The following EYA2 variants were observed in gnomAD, a reference collection of about 807,000 sequenced individuals.
EYA2 encodes EYA transcriptional coactivator and phosphatase 2.
EYA2 carries 31 observed loss-of-function variants against 69.2 expected under a neutral mutation model. That is an observed-to-expected ratio of 0.45 (90% CI 0.34 to 0.60). The LOEUF (loss-of-function observed/expected upper bound fraction) is 0.60. Ranked by LOEUF, EYA2 falls within the 20% of genes least tolerant of loss-of-function variation. The pLI is 0.02. For missense variants in EYA2, 622 were observed against 701.2 expected (o/e 0.89, Z 1.28); for synonymous variants, 257 against 279.4 (o/e 0.92, Z 0.80).
chr20:46,970,270 A>G (rs1980058690), intron 1 of EYA2, among the ~76,000 whole-genome samples: 1 of 152,108 alleles, frequency 6.6e-6, no homozygotes, highest in Admixed American at 6.5e-5. Context: ...CTCTGTTTCC[A>G]TTTCACTACT....
At chr20:46,923,884 A>AT (rs1011341626) in intron 1 of EYA2, among the ~76,000 whole-genome samples, 7 of 152,064 alleles carry the variant, frequency 4.6e-5, no homozygotes, top group African/African-American at 1.7e-4. Flanking sequence ...CGCCTTAGTG[A>AT]TTTTTTTTAA....
At chr20:46,976,342 T>C (rs1275263877) in intron 1 of EYA2, among the ~76,000 whole-genome samples, 2 of 152,184 alleles carry the variant, frequency 1.3e-5, no homozygotes, top group Admixed American at 6.5e-5. Flanking sequence ...AGGCCCTGTA[T>C]CTATAAAAAT....
chr20:47,045,751 C>T (rs2030003899), intron 5 of EYA2, among the ~76,000 whole-genome samples: 1 of 152,172 alleles, frequency 6.6e-6, no homozygotes, highest in South Asian at 2.1e-4. Flanking sequence ...TTTTTTTCAG[C>T]ATCAATGGTA....
intron 5 of EYA2, among the ~76,000 whole-genome samples, chr20:47,055,408 T>C (rs2030559048): frequency 6.6e-6 from 1 of 152,228 alleles, no homozygotes; most frequent in East Asian, 1.9e-4. Flanking sequence ...TGAAGGCAGA[T>C]GGTCTGTCCC....
At chr20:47,162,897 T>C (rs988717289) in intron 10 of EYA2, among the ~76,000 whole-genome samples, 1 of 152,138 alleles carries the variant, frequency 6.6e-6, no homozygotes, top group Non-Finnish European at 1.5e-5. Flanking sequence ...ACTCCCCATA[T>C]GAAACTGCTG....
At chr20:47,063,380 TGTGTGC>T (rs1279797687) in intron 5 of EYA2, among the ~76,000 whole-genome samples, 150 of 131,994 alleles carry the variant, frequency 1.1e-3, no homozygotes, top group African/African-American at 4.4e-3. Context: ...TATTTGTGTG[TGTGTGC>T]GTGTGCGTGT....
At chr20:47,166,254 G>C (rs2034182762) in intron 10 of EYA2, among the ~76,000 whole-genome samples, 1 of 151,712 alleles carries the variant, frequency 6.6e-6, no homozygotes, top group Admixed American at 6.6e-5. Context: ...ACAAAAATTA[G>C]CTAGGCATGG....
At chr20:46,940,054 A>G (rs542719564) in intron 1 of EYA2, among the ~76,000 whole-genome samples, 17 of 152,314 alleles carry the variant, frequency 1.1e-4, no homozygotes, top group Admixed American at 8.5e-4. Flanking sequence ...GGATCTTGCA[A>G]AGATACACAA....
At chr20:47,135,126 CAA>C (rs11484435) in intron 9 of EYA2, among the ~76,000 whole-genome samples, 32 of 58,482 alleles carry the variant, frequency 5.5e-4, no homozygotes, top group African/African-American at 1.7e-3. Flanking sequence ...GACTCCATAT[CAA>C]AAAAAAAAAA....
chr20:47,045,704 CT>C (rs1311233220), intron 5 of EYA2, among the ~76,000 whole-genome samples: 1 of 152,158 alleles, frequency 6.6e-6, no homozygotes. Context: ...ACCAAGAGAA[CT>C]TTTGTCAGGA....
intron 1 of EYA2, among the ~76,000 whole-genome samples, chr20:46,965,102 C>T (rs959205708): frequency 1.3e-5 from 2 of 152,168 alleles, no homozygotes; most frequent in African/African-American, 2.4e-5. Context: ...TAACTGCCTG[C>T]ATCGCAGGAG....
At position 47,048,716 on chromosome 20, in the gene EYA2, G is replaced by T. The variant is rs560312288; in HGVS notation, c.416-23469G>T. ...CACGCCATTGCATGCCAGTCTGGGC[G>T]ACAAGAGTGAAACTCTGTCTCAAGA... On this transcript the variant is annotated intron_variant, in intron 5 of 15. Transcript: ENST00000327619. Among the ~76,000 whole-genome samples the T allele has an allele frequency of 5.9e-5, 9 of 152,322 alleles. No homozygotes were observed. In the South Asian group the frequency reaches 1.0e-3, roughly 18 times the overall value.
At chr20:47,121,075 TTTG>T (rs146530303) in intron 9 of EYA2, among the ~76,000 whole-genome samples, 6,568 of 151,622 alleles carry the variant, frequency 0.043, 477 homozygotes, top group African/African-American at 0.15. Flanking sequence ...GGAATTCAAG[TTTG>T]TTGTTGTTGT....
intron 1 of EYA2, among the ~76,000 whole-genome samples, chr20:46,980,015 A>C (rs1342185773): frequency 6.6e-6 from 1 of 152,216 alleles, no homozygotes; most frequent in Non-Finnish European, 1.5e-5. Flanking sequence ...TGGAGCAGAT[A>C]ACACGTCTGG....
intron 7 of EYA2, among the ~76,000 whole-genome samples, chr20:47,078,317 G>T (rs534059267): frequency 1.4e-5 from 1 of 69,468 alleles, no homozygotes; most frequent in African/African-American, 8.0e-5. Context: ...ACATGTGCAC[G>T]TGCGCGCGCG....
intron 2 of EYA2, among the ~76,000 whole-genome samples, chr20:46,991,324 A>G (rs1476523459): frequency 6.6e-6 from 1 of 152,226 alleles, no homozygotes; most frequent in Non-Finnish European, 1.5e-5. Context: ...AAATGATCTC[A>G]GGCAAACTGT....
chr20:47,003,499 C>T (rs750229630), intron 3 of EYA2, among the ~76,000 whole-genome samples: 21 of 152,232 alleles, frequency 1.4e-4, no homozygotes, highest in Non-Finnish European at 2.5e-4. Context: ...GACCCAGGTA[C>T]GCTGAAGCAC....
intron 10 of EYA2, among the ~76,000 whole-genome samples, chr20:47,163,470 AG>A (rs1254829422): frequency 6.6e-6 from 1 of 151,996 alleles, no homozygotes; most frequent in Non-Finnish European, 1.5e-5. Context: ...AGTCCGAGGC[AG>A]GGGGGTCATC....
intron 1 of EYA2, among the ~76,000 whole-genome samples, chr20:46,960,238 C>T (rs1221892167): frequency 6.6e-6 from 1 of 152,142 alleles, no homozygotes; most frequent in South Asian, 2.1e-4. Context: ...GAGATGGACA[C>T]GGACACTATT....
Sources: gnomAD v4.1 joint callset for allele counts (sites outside exome capture counted in the v4.1 genomes callset) on GRCh38, gnomAD v4.1.1 for gene constraint, MANE v1.5 for transcripts, NCBI Gene and HGNC (gene_info 2026-07-23, HGNC 2026-07-21) for gene names.